Variants in RETREG1 observed in about 807,000 individuals in gnomAD.
The protein encoded by RETREG1 is reticulophagy regulator 1.
RETREG1 carries 44 observed loss-of-function variants against 54.8 expected under a neutral mutation model. That is an observed-to-expected ratio of 0.80 (90% CI 0.63 to 1.03). The LOEUF (loss-of-function observed/expected upper bound fraction) is 1.03, where lower values mean the gene tolerates loss of function less well. Among genes scored for constraint, RETREG1 ranks in the 50% least tolerant of loss-of-function variants. RETREG1 has a pLI of 0.00. For synonymous variants in RETREG1, 217 were observed against 238.5 expected, an observed-to-expected ratio of 0.91 and a Z score of 0.83; for missense variants, 554 against 605.1, an observed-to-expected ratio of 0.92 and a Z score of 0.89.
intron 3 of RETREG1, among the ~76,000 whole-genome samples, chr5:16,503,681 AAG>A: frequency 5.4e-5 from 8 of 148,440 alleles, no homozygotes; most frequent in African/African-American, 1.6e-4. Flanking sequence ...AAAAAAAAGA[AAG>A]AAAGAAAGAA....
intron 3 of RETREG1, among the ~76,000 whole-genome samples, chr5:16,490,021 T>G (rs1458943516): frequency 6.6e-6 from 1 of 152,192 alleles, no homozygotes; most frequent in Non-Finnish European, 1.5e-5. Flanking sequence ...TTTTCACATA[T>G]TTCTTGAGCT....
intron 3 of RETREG1, among the ~76,000 whole-genome samples, chr5:16,558,291 G>A (rs1309529231): frequency 1.3e-5 from 2 of 151,904 alleles, no homozygotes; most frequent in Non-Finnish European, 2.9e-5. Flanking sequence ...ACAACAAAGC[G>A]AGTTTGGCCC....
At chr5:16,603,865 G>A (rs369961262) in intron 1 of RETREG1, among the ~76,000 whole-genome samples, 2 of 136,820 alleles carry the variant, frequency 1.5e-5, no homozygotes, top group Non-Finnish European at 3.2e-5. Flanking sequence ...CCCCCCACCC[G>A]CCACCCTGGG....
At chr5:16,576,023 A>G (rs76779414) in intron 1 of RETREG1, among the ~76,000 whole-genome samples, 2 of 152,298 alleles carry the variant, frequency 1.3e-5, no homozygotes, top group Non-Finnish European at 2.9e-5. Context: ...TTCAAGTAGT[A>G]CCTAATATTT....
intron 2 of RETREG1, among the ~76,000 whole-genome samples, chr5:16,568,396 T>C (rs1449345487): frequency 2.0e-5 from 3 of 151,930 alleles, no homozygotes; most frequent in African/African-American, 7.3e-5. Context: ...CTCAGCCTCT[T>C]CAGTAGCTGG....
intron 1 of RETREG1, among the ~76,000 whole-genome samples, chr5:16,591,839 A>G (rs1742783544): frequency 6.6e-6 from 1 of 152,236 alleles, no homozygotes; most frequent in Non-Finnish European, 1.5e-5. Context: ...AAAACAATGC[A>G]GGGAACAAGA....
intron 1 of RETREG1, among the ~76,000 whole-genome samples, chr5:16,580,595 T>C (rs1334786813): frequency 6.6e-6 from 1 of 152,046 alleles, no homozygotes; most frequent in African/African-American, 2.4e-5. Flanking sequence ...AAACGTGTGG[T>C]AACCATGGAG....
chr5:16,481,222 T>A lies in RETREG1; in HGVS notation c.586-129A>T, dbSNP rs1006447382. ...GACCTATCTGGTTATTACAGATTTT[T>A]TCCAAAGAGCATTATTTTGCACTAA... On this transcript the variant is annotated intron_variant, in intron 4 of 8. Transcript: ENST00000306320. 3 of 735,912 alleles carry A rather than the reference T, an allele frequency of 4.1e-6. No homozygotes were observed. The African/African-American group carries it at 5.2e-5, about 13-fold the overall frequency. The allele number at this position is 735,912 out of a possible 1,614,324, so 45.6% of individuals were successfully genotyped here. A position where few individuals can be genotyped will look rare whatever the true frequency, so the allele number is the denominator to read the frequency against.
intron 1 of RETREG1, among the ~76,000 whole-genome samples, chr5:16,587,189 GAC>G (rs970170717): frequency 6.6e-6 from 1 of 152,178 alleles, no homozygotes; most frequent in Non-Finnish European, 1.5e-5. Flanking sequence ...AGAGAAGCAA[GAC>G]ACACAGTAAT....
chr5:16,544,171 T>C (rs561801909), intron 3 of RETREG1, among the ~76,000 whole-genome samples: 6 of 152,026 alleles, frequency 3.9e-5, no homozygotes, highest in Admixed American at 6.6e-5. Flanking sequence ...AGACGGGGTT[T>C]TGCCGTGTTG....
intron 1 of RETREG1, among the ~76,000 whole-genome samples, chr5:16,582,674 AAC>A (rs1491457712): frequency 2.0e-5 from 3 of 150,064 alleles, no homozygotes; most frequent in Non-Finnish European, 4.4e-5. Context: ...AAAAAAAAAA[AAC>A]GGCCTGGGTA....
chr5:16,483,564 G>A (rs1006963680), intron 3 of RETREG1, 92 bp from the exon 4 acceptor site: 2 of 1,354,354 alleles, frequency 1.5e-6, no homozygotes, highest in African/African-American at 2.9e-5. Context: ...AGCATCTACT[G>A]TTGGCCACAC....
chr5:16,564,670 C>T (rs1269350575), intron 3 of RETREG1, among the ~76,000 whole-genome samples: 3 of 152,180 alleles, frequency 2.0e-5, no homozygotes, highest in Admixed American at 1.3e-4. Context: ...CCAGGCTGCC[C>T]GCCACCTCCA....
intron 1 of RETREG1, among the ~76,000 whole-genome samples, chr5:16,610,576 C>A (rs1743313518): frequency 6.6e-6 from 1 of 152,078 alleles, no homozygotes; most frequent in Non-Finnish European, 1.5e-5. Flanking sequence ...AATCGAACAA[C>A]CCCATCAAAA....
rs1000768787 is a variant in RETREG1 at position 16,534,096 on chromosome 5, C to CAA, written c.458+31665_458+31666dup. On this transcript the variant is annotated intron_variant, in intron 3 of 8. Transcript: ENST00000306320. ...AAGTCCCTCGAGAGGTCTGAGAAAC[C>CAA]AAAAAAAAAAAACACATTTTCCCTA... Among the ~76,000 whole-genome samples the CAA allele has an allele frequency of 8.4e-3, 1,096 of 130,150 alleles. 16 individuals are homozygous for CAA. Among genetic ancestry groups the CAA allele is most frequent in the African/African-American group, 0.028 (1,008 of 36,080 alleles). 85.4% of individuals were successfully genotyped at this position (130,150 alleles called of 152,430 possible).
chr5:16,491,182 G>A (rs892029850), intron 3 of RETREG1, among the ~76,000 whole-genome samples: 24 of 152,122 alleles, frequency 1.6e-4, no homozygotes, highest in African/African-American at 4.6e-4. Flanking sequence ...ATCCCATTAC[G>A]ATACCCTGCA....
At position 16,483,471 on chromosome 5, in the gene RETREG1, A is replaced by AG; in HGVS notation, c.459dup (p.Trp154LeufsTer10). 6.2e-7 allele frequency: 1 copy of AG among 1,613,070 alleles called. No individual in the cohort carries two copies. Among genetic ancestry groups the AG allele is most frequent in the Non-Finnish European group, 8.5e-7 (1 of 1,179,250 alleles). On this transcript the variant is annotated frameshift_variant and splice_region_variant, in exon 4 of 9. Transcript: ENST00000306320. LOFTEE classifies it high-confidence loss of function. ...TCTGGTTTGGAATTGATAACTTCCC[A>AG]GCTAAAGAGACAAAAAGAAAAAAAA...
intron 1 of RETREG1, among the ~76,000 whole-genome samples, chr5:16,573,745 T>TTG (rs1561125688): frequency 1.1e-4 from 16 of 142,972 alleles, no homozygotes; most frequent in Non-Finnish European, 2.3e-4. Context: ...GTTTTTTGTT[T>TTG]TTTTTTTTTT....
At chr5:16,607,186 T>A (rs1326306122) in intron 1 of RETREG1, among the ~76,000 whole-genome samples, 1 of 152,168 alleles carries the variant, frequency 6.6e-6, no homozygotes, top group African/African-American at 2.4e-5. Context: ...ATCCGGCCTT[T>A]TCTGGCATTT....
Sources: gnomAD v4.1 joint callset for allele counts (sites outside exome capture counted in the v4.1 genomes callset) on GRCh38, gnomAD v4.1.1 for gene constraint, MANE v1.5 for transcripts, NCBI Gene and HGNC (gene_info 2026-07-23, HGNC 2026-07-21) for gene names.